Variants in TMEM237 observed in about 807,000 individuals in gnomAD.
TMEM237 encodes the protein transmembrane protein 237.
In TMEM237, 51 loss-of-function variants were observed where a neutral mutation model predicts 59.1. The ratio of observed to expected loss-of-function variants is 0.86; its 90% CI spans 0.69 to 1.09. The LOEUF is 1.09. Ranked by LOEUF, TMEM237 falls within the 50% of genes least tolerant of loss-of-function variation. The pLI, the probability that TMEM237 is intolerant of heterozygous loss-of-function variation, is 0.00. For missense variants in TMEM237, 475 were observed against 478.3 expected, an observed-to-expected ratio of 0.99 and a Z score of 0.06; for synonymous variants, 140 against 166.1, an observed-to-expected ratio of 0.84 and a Z score of 1.21.
Position 201,643,274 on chromosome 2 carries a change from G to GGGGCCCCCCCCCCCCCCCC in TMEM237, c.42+84_42+85insGGGGGGGGGGGGGGGGCCC. 8.3e-7 allele frequency: 1 copy of GGGGCCCCCCCCCCCCCCCC among 1,206,758 alleles called. No homozygotes were observed. The highest frequency in any genetic ancestry group is 1.2e-6 in the Non-Finnish European group (1 of 849,318). 74.8% of individuals were successfully genotyped at this position (1,206,758 alleles called of 1,614,324 possible). A position where few individuals can be genotyped will look rare whatever the true frequency, so the allele number is the denominator to read the frequency against. On this transcript the variant is annotated intron_variant, in intron 1 of 12. Coordinates refer to ENST00000409883, the MANE Select transcript of TMEM237 (RefSeq NM_001044385.3). This position sits in a 1 kb window ranked among gnomAD's most constrained non-coding sequence, Gnocchi z 4.3. ...CCTTAGTGATTCCCAGCTCGTTGGC[G>GGGGCCCCCCCCCCCCCCCC]CCCCCCCACACACACCCACCCCCAC... is the stretch of plus-strand genomic sequence containing the variant.
chr2:201,629,908 T>C, intron 7 of TMEM237, 56 bp from the exon 8 acceptor site: 1 of 676,092 alleles, frequency 1.5e-6, no homozygotes, highest in Non-Finnish European at 2.0e-6. Flanking sequence ...CTGGTAGCCA[T>C]TTTTTTTTTT....
At position 201,623,983 on chromosome 2, in the gene TMEM237, C is replaced by T. The variant is rs898991768; in HGVS notation, c.*272G>A. 1 of 268,690 alleles carries T rather than the reference C, an allele frequency of 3.7e-6. No homozygotes were observed. Among genetic ancestry groups the T allele is most frequent in the African/African-American group, 2.2e-5 (1 of 45,232 alleles). The allele number at this position is 268,690 out of a possible 1,614,324, so 16.6% of individuals were successfully genotyped here. On this transcript the variant is annotated 3_prime_UTR_variant, in exon 13 of 13. Coordinates refer to ENST00000409883, the MANE Select transcript of TMEM237 (RefSeq NM_001044385.3). ...TTTAAGGTAATAGTTATAAATACAA[C>T]TGTTTTGAGAAAATAGGAAATAAAC...
At chr2:201,626,948 C>T (rs1406803635) in intron 11 of TMEM237, among the ~76,000 whole-genome samples, 3 of 152,012 alleles carry the variant, frequency 2.0e-5, no homozygotes, top group East Asian at 1.9e-4. Context: ...GGCATGATGG[C>T]GGGTGCCTGT....
chr2:201,634,781 T>G, intron 5 of TMEM237: 1 of 338,094 alleles, frequency 3.0e-6, no homozygotes, highest in Admixed American at 3.5e-5. Context: ...CCCCAGGCAC[T>G]GTGGCATCCC....
intron 5 of TMEM237, 137 bp from the exon 6 acceptor site, chr2:201,633,568 ATTTT>A: frequency 1.6e-6 from 1 of 629,410 alleles, no homozygotes; most frequent in Non-Finnish European, 2.4e-6. Flanking sequence ...CAAATTTTTA[ATTTT>A]TTAAAAATGT....
chr2:201,642,045 G>GT (rs1687435921), intron 1 of TMEM237, among the ~76,000 whole-genome samples: 1 of 152,216 alleles, frequency 6.6e-6, no homozygotes, highest in Non-Finnish European at 1.5e-5. Context: ...AAAAAGGCCA[G>GT]TTGCATACAC....
At chr2:201,625,592 C>T (rs1957751588) in intron 12 of TMEM237, among the ~76,000 whole-genome samples, 1 of 152,066 alleles carries the variant, frequency 6.6e-6, no homozygotes, top group East Asian at 1.9e-4. Context: ...ACACTGTTAG[C>T]CAATGAACGG....
chr2:201,636,656 G>C (rs1687301137), intron 5 of TMEM237, 92 bp downstream of exon 5: 12 of 1,430,482 alleles, frequency 8.4e-6, no homozygotes, highest in East Asian at 2.5e-5. Context: ...GTGGGATATG[G>C]ATAGGGGGAA....
chr2:201,621,332 TG>T lies in TMEM237; in HGVS notation c.*2922del, dbSNP rs1288334794. 6 of 152,194 alleles carry T rather than the reference TG, an allele frequency of 3.9e-5. No individual in the cohort carries two copies. The highest frequency in any genetic ancestry group is 3.3e-4 in the Admixed American group (5 of 15,272). 9.4% of individuals were successfully genotyped at this position (152,194 alleles called of 1,614,324 possible). On this transcript the variant is annotated 3_prime_UTR_variant, in exon 13 of 13. Coordinates refer to ENST00000409883, the MANE Select transcript of TMEM237 (RefSeq NM_001044385.3). ...GTACCGCCAACTCTGGAAAACAGCT[TG>T]GCAGTTTGTAACTACATACAACCCA...
At chr2:201,627,511 C>A in intron 10 of TMEM237, 97 bp from the exon 11 acceptor site, 1 of 757,864 alleles carries the variant, frequency 1.3e-6, no homozygotes, top group Non-Finnish European at 2.1e-6. Context: ...ACTTTCATGA[C>A]TGATGATATA....
rs1274258548 is a variant in TMEM237 at position 201,623,823 on chromosome 2, TTTCAATTTA to T, written c.*423_*431del. The T allele has an allele frequency of 6.5e-6, 1 of 153,218 alleles. No homozygotes were observed. The allele number at this position is 153,218 out of a possible 1,614,324, so 9.5% of individuals were successfully genotyped here. A position where few individuals can be genotyped will look rare whatever the true frequency, so the allele number is the denominator to read the frequency against. On this transcript the variant is annotated 3_prime_UTR_variant, in exon 13 of 13. Transcript: ENST00000409883. ...AGTTTCAGAAAAGACAAACTTCATA[TTTCAATTTA>T]TTCAGTAAGGGGAGGTCAAAAATGA...
In TMEM237 at chr2:201,634,633, G is replaced by C. The variant is rs538741406; in HGVS notation, c.275-1202C>G. On this transcript the variant is annotated intron_variant, in intron 5 of 12. Coordinates refer to ENST00000409883, the MANE Select transcript of TMEM237 (RefSeq NM_001044385.3). The stretch of plus-strand genomic sequence containing the variant: ...TGTATCTTAACTAAATTACTAAAAG[G>C]GCACTTTTAATGAAACTACATTTAC... Among the ~76,000 whole-genome samples, 203 of 152,154 alleles carry C rather than the reference G, an allele frequency of 1.3e-3. 1 individual carries two copies. Among genetic ancestry groups the C allele is most frequent in the African/African-American group, 4.4e-3 (184 of 41,488 alleles).
chr2:201,643,457 C>G lies in TMEM237; in HGVS notation c.-57G>C, dbSNP rs1364700863. 2.1e-6 allele frequency: 3 copies of G among 1,400,202 alleles called. No homozygotes were observed. Among genetic ancestry groups the G allele is most frequent in the South Asian group, 1.5e-5 (1 of 65,822 alleles). The allele number at this position is 1,400,202 out of a possible 1,614,324, so 86.7% of individuals were successfully genotyped here. On this transcript the variant is annotated 5_prime_UTR_variant, in exon 1 of 13. Coordinates refer to ENST00000409883, the MANE Select transcript of TMEM237 (RefSeq NM_001044385.3). The surrounding 1 kb of genome is among the most constrained non-coding windows in gnomAD (Gnocchi z 4.3). ...ACCGCCGGCGGCCCGAGCCCAGCTC[C>G]CCGCGACGCAGCGGCCTCCGGGACC...
Position 201,640,278 on chromosome 2 carries a change from A to AT in TMEM237, c.75-14dup. On this transcript the variant is annotated splice_polypyrimidine_tract_variant and intron_variant, in intron 2 of 12. Transcript: ENST00000409883. ...TAACTCACCTTGACTAACACGTCAT[A>AT]TAACACCAAACAAATTTAATCAGCA... The AT allele has an allele frequency of 1.3e-6, 2 of 1,552,448 alleles. No individual in the cohort carries two copies. Among genetic ancestry groups the AT allele is most frequent in the South Asian group, 2.5e-5 (2 of 80,850 alleles).
intron 1 of TMEM237, chr2:201,642,806 A>G: frequency 2.9e-6 from 4 of 1,380,906 alleles, no homozygotes; most frequent in Non-Finnish European, 3.7e-6. Context: ...TGGATTGGCC[A>G]GTCCAGACTA....
chr2:201,629,101 G>T, intron 9 of TMEM237, 129 bp downstream of exon 9: 1 of 621,238 alleles, frequency 1.6e-6, no homozygotes, highest in Non-Finnish European at 2.4e-6. Flanking sequence ...AAGTAGACTG[G>T]CCTTAAAACT....
chr2:201,630,670 A>G (rs1381426236), intron 7 of TMEM237, among the ~76,000 whole-genome samples: 1 of 152,228 alleles, frequency 6.6e-6, no homozygotes, highest in Admixed American at 6.5e-5. Context: ...TGCTAAGTGA[A>G]GCAAGAATAA....
intron 6 of TMEM237, 136 bp from the exon 7 acceptor site, chr2:201,632,344 C>A: frequency 1.1e-6 from 1 of 920,498 alleles, no homozygotes; most frequent in East Asian, 2.5e-5. Context: ...TCAAATAAAT[C>A]GGTTATTAAC....
Position 201,643,445 on chromosome 2 carries a change from C to G in TMEM237, c.-45G>C, listed in dbSNP as rs377533527. ...TGCCCCGGCGCAACCGCCGGCGGCC[C>G]GAGCCCAGCTCCCCGCGACGCAGCG... On this transcript the variant is annotated 5_prime_UTR_variant, in exon 1 of 13. Coordinates refer to ENST00000409883, the MANE Select transcript of TMEM237 (RefSeq NM_001044385.3). The surrounding 1 kb of genome is among the most constrained non-coding windows in gnomAD (Gnocchi z 4.3). The G allele has an allele frequency of 6.8e-6, 10 of 1,460,824 alleles. No individual in the cohort carries two copies. The highest frequency in any genetic ancestry group is 1.5e-5 in the African/African-American group (1 of 67,984). 90.5% of individuals were successfully genotyped at this position (1,460,824 alleles called of 1,614,324 possible).
Sources: gnomAD v4.1 joint callset for allele counts (sites outside exome capture counted in the v4.1 genomes callset) on GRCh38, gnomAD v4.1.1 for gene constraint, Gnocchi (gnomAD v3.1) non-coding constraint, MANE v1.5 for transcripts, NCBI Gene and HGNC (gene_info 2026-07-23, HGNC 2026-07-21) for gene names.